The following ATP5PB variants were observed in gnomAD, a reference collection of about 807,000 sequenced individuals.
The protein encoded by ATP5PB is ATP synthase peripheral stalk subunit b, mitochondrial.
A neutral mutation model predicts 34.5 loss-of-function variants in ATP5PB; 21 were observed. That is an observed-to-expected ratio of 0.61 (90% CI 0.43 to 0.88). The LOEUF is 0.88. Among genes scored for constraint, ATP5PB ranks in the 40% least tolerant of loss-of-function variants. The pLI is 0.00. For missense variants in ATP5PB, 293 were observed against 317.4 expected, an observed-to-expected ratio of 0.92 and a Z score of 0.58; for synonymous variants, 108 against 114.1, an observed-to-expected ratio of 0.95 and a Z score of 0.34.
intron 5 of ATP5PB, 54 bp from the exon 6 acceptor site, chr1:111,459,403 A>G (rs1653556131): frequency 1.3e-6 from 2 of 1,511,538 alleles, no homozygotes; most frequent in South Asian, 1.3e-5. Context: ...TTCAGAGTAG[A>G]AGTATTCCTT....
At chr1:111,453,008 G>C (rs1273499997) in intron 2 of ATP5PB, among the ~76,000 whole-genome samples, 1 of 152,094 alleles carries the variant, frequency 6.6e-6, no homozygotes, top group Non-Finnish European at 1.5e-5. Flanking sequence ...TTTGGAGGCA[G>C]AAATAATATT....
chr1:111,452,248 G>A (rs1234846241), intron 2 of ATP5PB, among the ~76,000 whole-genome samples: 1 of 152,130 alleles, frequency 6.6e-6, no homozygotes, highest in Non-Finnish European at 1.5e-5. Flanking sequence ...TAATGTGAGT[G>A]GGCTAGGTTT....
At chr1:111,457,387 C>G (rs976280523) in intron 5 of ATP5PB, among the ~76,000 whole-genome samples, 1 of 151,940 alleles carries the variant, frequency 6.6e-6, no homozygotes, top group Non-Finnish European at 1.5e-5. Flanking sequence ...ATGGTCAGAA[C>G]ATGATTAGAT....
chr1:111,459,755 A>T, intron 6 of ATP5PB, 119 bp downstream of exon 6: 1 of 1,109,174 alleles, frequency 9.0e-7, no homozygotes, highest in Non-Finnish European at 1.3e-6. Flanking sequence ...GTAGCAGTGT[A>T]ACCCCGGTTT....
intron 5 of ATP5PB, 105 bp downstream of exon 5, chr1:111,456,860 T>C: frequency 7.5e-7 from 1 of 1,336,508 alleles, no homozygotes; most frequent in Non-Finnish European, 9.8e-7. Context: ...ACGTATTTTA[T>C]TTAGAAAAGA....
At chr1:111,451,896 G>A (rs536542382) in intron 2 of ATP5PB, among the ~76,000 whole-genome samples, 2 of 152,264 alleles carry the variant, frequency 1.3e-5, no homozygotes, top group South Asian at 2.1e-4. Flanking sequence ...GATCACTGGA[G>A]CCCAGGAGTT....
chr1:111,455,668 C>T (rs190564523), intron 3 of ATP5PB, among the ~76,000 whole-genome samples: 68 of 152,184 alleles, frequency 4.5e-4, no homozygotes, highest in Admixed American at 1.9e-3. Context: ...AAATTTTATC[C>T]GGTCTAGTGT....
intron 2 of ATP5PB, among the ~76,000 whole-genome samples, chr1:111,450,208 C>T (rs980973816): frequency 6.6e-6 from 1 of 152,096 alleles, no homozygotes; most frequent in Non-Finnish European, 1.5e-5. Context: ...GATGACATAC[C>T]CAAGAATAAA....
At chr1:111,456,042 A>T in intron 3 of ATP5PB, 44 bp from the exon 4 acceptor site, 1 of 1,449,158 alleles carries the variant, frequency 6.9e-7, no homozygotes. Context: ...TCCCTCTTTT[A>T]GGCATAGCAT....
Position 111,454,659 on chromosome 1 carries a change from TC to T in ATP5PB, c.223+304del, listed in dbSNP as rs1193977786. 1.3e-5 allele frequency among the ~76,000 whole-genome samples: 2 copies of T among 152,114 alleles called. 1 individual carries two copies. Among genetic ancestry groups the T allele is most frequent in the Non-Finnish European group, 2.9e-5 (2 of 68,016 alleles). The stretch of plus-strand genomic sequence containing the variant: ...GCTTTCACCATGTAGCCCAGGCTGG[TC>T]TCCAACTCCTGGGCTTGTGGGATCC... On this transcript the variant is annotated intron_variant, in intron 3 of 6. Transcript: ENST00000369722.
chr1:111,457,312 A>AACACACACACACACACACACACACAC (rs111663185), intron 5 of ATP5PB, among the ~76,000 whole-genome samples: 4 of 146,718 alleles, frequency 2.7e-5, no homozygotes, highest in African/African-American at 1.0e-4. Flanking sequence ...GACTCTCTCA[A>AACACACACACACACACACACACACAC]ACACACACAC....
intron 2 of ATP5PB, among the ~76,000 whole-genome samples, chr1:111,452,934 A>G (rs1420371217): frequency 6.6e-6 from 1 of 152,218 alleles, no homozygotes; most frequent in African/African-American, 2.4e-5. Flanking sequence ...AGAAACCTTG[A>G]TGTAAATGAA....
chr1:111,451,904 G>A (rs1157597601), intron 2 of ATP5PB, among the ~76,000 whole-genome samples: 1 of 152,134 alleles, frequency 6.6e-6, no homozygotes, highest in Non-Finnish European at 1.5e-5. Flanking sequence ...GAGCCCAGGA[G>A]TTCAAGACTA....
rs747857045 is a variant in ATP5PB, at chr1:111,454,374, G to C, written c.223+18G>C. On this transcript the variant is annotated intron_variant, in intron 3 of 6. Transcript: ENST00000369722. ...TGTAACAGGTGAGCATTTTTGCCTA[G>C]TCTCTGGTAATATGTTTTGATGGCA... 1.9e-6 allele frequency: 3 copies of C among 1,580,466 alleles called. No homozygotes were observed. The highest frequency in any genetic ancestry group is 1.2e-5 in the South Asian group (1 of 85,148).
chr1:111,449,806 C>G (rs539413637), intron 1 of ATP5PB, 31 bp from the exon 2 acceptor site: 2 of 1,614,102 alleles, frequency 1.2e-6, no homozygotes, highest in South Asian at 1.1e-5. Flanking sequence ...TTTCATTTGA[C>G]TTTGCTGACC....
chr1:111,456,809 T>G (rs1653487495), intron 5 of ATP5PB, 54 bp downstream of exon 5: 8 of 1,498,454 alleles, frequency 5.3e-6, no homozygotes, highest in Non-Finnish European at 7.1e-6. Context: ...GTGCATTTTT[T>G]TAATTCAGAA....
intron 5 of ATP5PB, among the ~76,000 whole-genome samples, chr1:111,457,344 CA>C (rs1472447220): frequency 4.6e-5 from 7 of 151,484 alleles, no homozygotes; most frequent in African/African-American, 1.7e-4. Flanking sequence ...CACACACAAA[CA>C]ACAAATTCAG....
intron 3 of ATP5PB, among the ~76,000 whole-genome samples, chr1:111,455,373 T>C (rs761764234): frequency 9.2e-5 from 14 of 152,226 alleles, no homozygotes; most frequent in Admixed American, 2.0e-4. Context: ...TTTGTAACCC[T>C]GTTGTTCTTA....
rs761787414 is a variant in ATP5PB, at chr1:111,459,421, A to G, written c.514-36A>G. The stretch of plus-strand genomic sequence containing the variant: ...AGAGTAGAAGTATTCCTTCAAGTAT[A>G]CAAACAATATTTATCATTTCTTAAT... On this transcript the variant is annotated intron_variant, in intron 5 of 6. Coordinates refer to ENST00000369722, the MANE Select transcript of ATP5PB (RefSeq NM_001688.5). The G allele has an allele frequency of 3.8e-6, 6 of 1,571,862 alleles. No individual in the cohort carries two copies. In the Admixed American group the frequency reaches 5.3e-5, roughly 14 times the overall value.
Sources: gnomAD v4.1 joint callset for allele counts (sites outside exome capture counted in the v4.1 genomes callset) on GRCh38, gnomAD v4.1.1 for gene constraint, MANE v1.5 for transcripts, NCBI Gene and HGNC (gene_info 2026-07-23, HGNC 2026-07-21) for gene names.